The following SLC6A3 variants were observed in gnomAD, a reference collection of about 807,000 sequenced individuals.
SLC6A3 encodes the protein solute carrier family 6 member 3, also known as sodium-dependent dopamine transporter.
Under a neutral mutation model 70.4 loss-of-function variants are expected in SLC6A3, and 19 were observed. The ratio of observed to expected loss-of-function variants is 0.27; its 90% CI spans 0.19 to 0.40. The LOEUF (loss-of-function observed/expected upper bound fraction) is 0.40, where lower values mean the gene tolerates loss of function less well. SLC6A3 is among the 10% of genes least tolerant of loss of function. The pLI is 1.00. For synonymous variants in SLC6A3, 368 were observed against 356.6 expected (o/e 1.03, Z -0.36); for missense variants, 613 against 838.5 (o/e 0.73, Z 3.32).
At chr5:1,412,498 G>A (rs543140204) in intron 8 of SLC6A3, among the ~76,000 whole-genome samples, 109 of 152,350 alleles carry the variant, frequency 7.2e-4, no homozygotes, top group African/African-American at 2.4e-3. Flanking sequence ...CTCGGGAAAC[G>A]ACACGTGCTT....
chr5:1,408,866 G>A lies in SLC6A3; in HGVS notation c.1498+160C>T, dbSNP rs1444239556. Among the ~76,000 whole-genome samples the A allele has an allele frequency of 2.0e-5, 3 of 152,238 alleles. No homozygotes were observed. The highest frequency in any genetic ancestry group is 2.9e-5 in the Non-Finnish European group (2 of 68,058). On this transcript the variant is annotated intron_variant, in intron 11 of 14. Coordinates refer to ENST00000270349, the MANE Select transcript of SLC6A3 (RefSeq NM_001044.5). The surrounding 1 kb of genome is among the most constrained non-coding windows in gnomAD (Gnocchi z 6.4). Reference sequence around the variant, plus strand: ...TAAGCACCTCACTGATCCCATCAAAGGGACCAGTGCCAAGCCTCTCCCCTC... The same window carrying A: ...TAAGCACCTCACTGATCCCATCAAAAGGACCAGTGCCAAGCCTCTCCCCTC...
At position 1,406,930 on chromosome 5, in the gene SLC6A3, G is replaced by A. The variant is rs148353110; in HGVS notation, c.1499-642C>T. 1.4e-3 allele frequency among the ~76,000 whole-genome samples: 209 copies of A among 152,298 alleles called. 4 individuals carry two copies. Among genetic ancestry groups the A allele is most frequent in the African/African-American group, 4.9e-3 (203 of 41,564 alleles). The stretch of plus-strand genomic sequence containing the variant: ...CTGCAACTGGTTTACTCCCTGTAGA[G>A]TGTCCCTGAGGCCACCTAAGCTGCG... On this transcript the variant is annotated intron_variant, in intron 11 of 14. Coordinates refer to ENST00000270349, the MANE Select transcript of SLC6A3 (RefSeq NM_001044.5). The surrounding 1 kb of genome is among the most constrained non-coding windows in gnomAD (Gnocchi z 8.8).
chr5:1,406,118 C>T lies in SLC6A3; in HGVS notation c.1599+70G>A. On this transcript the variant is annotated intron_variant, in intron 12 of 14. Coordinates refer to ENST00000270349, the MANE Select transcript of SLC6A3 (RefSeq NM_001044.5). The surrounding 1 kb of genome is among the most constrained non-coding windows in gnomAD (Gnocchi z 8.8). Reference sequence around the variant, plus strand: ...TGACAACCCACATGCGGGCGCTGGACCTCGGGGCAGGTGCCAGAGTGGGGG... The same window carrying T: ...TGACAACCCACATGCGGGCGCTGGATCTCGGGGCAGGTGCCAGAGTGGGGG... The T allele has an allele frequency of 2.6e-6, 3 of 1,163,766 alleles. No homozygotes were observed. Among genetic ancestry groups the T allele is most frequent in the Non-Finnish European group, 3.9e-6 (3 of 770,302 alleles). 72.1% of individuals were successfully genotyped at this position (1,163,766 alleles called of 1,614,324 possible). A position where few individuals can be genotyped will look rare whatever the true frequency, so the allele number is the denominator to read the frequency against.
chr5:1,440,769 G>A (rs1733632797), intron 3 of SLC6A3, among the ~76,000 whole-genome samples: 2 of 152,212 alleles, frequency 1.3e-5, no homozygotes, highest in Admixed American at 1.3e-4. Flanking sequence ...AGAGAGGCTA[G>A]AACAGATGCT....
chr5:1,416,313 C>T, intron 6 of SLC6A3, 112 bp from the exon 7 acceptor site: 1 of 758,800 alleles, frequency 1.3e-6, no homozygotes, highest in Non-Finnish European at 2.3e-6. Context: ...AAACTCAACA[C>T]CATCCTCAAG....
chr5:1,426,779 C>T (rs1037762407), intron 4 of SLC6A3, among the ~76,000 whole-genome samples: 1 of 152,164 alleles, frequency 6.6e-6, no homozygotes, highest in Non-Finnish European at 1.5e-5. Flanking sequence ...CTGCCAGGGG[C>T]TGCAGTGAGG....
chr5:1,431,080 T>C (rs896577264), intron 4 of SLC6A3, among the ~76,000 whole-genome samples: 4 of 151,528 alleles, frequency 2.6e-5, no homozygotes, highest in African/African-American at 7.3e-5. Flanking sequence ...TCTCCTCCTC[T>C]CCAAAATGAC....
At position 1,411,858 on chromosome 5, in the gene SLC6A3, ACACACATACCATGCAACATACACACTCAG is replaced by A; in HGVS notation, c.1157-532_1157-504del. On this transcript the variant is annotated intron_variant, in intron 8 of 14. Coordinates refer to ENST00000270349, the MANE Select transcript of SLC6A3 (RefSeq NM_001044.5). The surrounding 1 kb of genome is among the most constrained non-coding windows in gnomAD (Gnocchi z 6.5). Reference sequence around the variant, plus strand: ...CATACCATGCAACATACACACTCAGACACACATACCATGCAACATACACACTCAGACACACATACCATGCAATATACACA... The same window carrying A: ...CATACCATGCAACATACACACTCAGAACACACATACCATGCAATATACACA... Among the ~76,000 whole-genome samples the A allele has an allele frequency of 4.6e-5, 7 of 151,512 alleles. No individual in the cohort carries two copies. The highest frequency in any genetic ancestry group is 1.5e-4 in the African/African-American group (6 of 41,034).
rs551678863 is a variant in SLC6A3 at position 1,395,231 on chromosome 5, C to T, written c.1840-473G>A. Among the ~76,000 whole-genome samples the T allele has an allele frequency of 1.1e-3, 175 of 152,320 alleles. 1 individual carries two copies. The highest frequency in any genetic ancestry group is 4.6e-3 in the South Asian group (22 of 4,830). On this transcript the variant is annotated intron_variant, in intron 14 of 14. Coordinates refer to ENST00000270349, the MANE Select transcript of SLC6A3 (RefSeq NM_001044.5). ...CTCTGCAGCTCCATCTTGCTCTCTG[C>T]GACCCGCGCGGGCGCAAGTGCAGCG...
At chr5:1,414,589 G>C (rs1308130287) in intron 8 of SLC6A3, 102 bp downstream of exon 8, 16 of 1,369,122 alleles carry the variant, frequency 1.2e-5, no homozygotes, top group Admixed American at 2.0e-5. Flanking sequence ...AGTCGCTCAG[G>C]GCCCATGCGT....
In SLC6A3 at chr5:1,414,956, C is replaced by A; in HGVS notation, c.1032-141G>T. On this transcript the variant is annotated intron_variant, in intron 7 of 14. Coordinates refer to ENST00000270349, the MANE Select transcript of SLC6A3 (RefSeq NM_001044.5). Reference sequence around the variant, plus strand: ...GGCTACTTTTCCCAGTGAGCACGGCCAGCTCCTTAGCAGCCTGGCAGAGCT... The same window carrying A: ...GGCTACTTTTCCCAGTGAGCACGGCAAGCTCCTTAGCAGCCTGGCAGAGCT... 2.8e-6 allele frequency: 3 copies of A among 1,064,264 alleles called. No homozygotes were observed. In the South Asian group the frequency reaches 4.0e-5, roughly 14 times the overall value. The allele number at this position is 1,064,264 out of a possible 1,614,324, so 65.9% of individuals were successfully genotyped here.
At position 1,414,682 on chromosome 5, in the gene SLC6A3, G is replaced by A. The variant is rs921062478; in HGVS notation, c.1156+9C>T. ...CGGAGCAGGCCCAGGTGCAGCAGGA[G>A]GGGCTCACCGTCCTTGGCCACGTCC... On this transcript the variant is annotated intron_variant, in intron 8 of 14. Transcript: ENST00000270349. 6.8e-6 allele frequency: 11 copies of A among 1,612,096 alleles called. No individual in the cohort carries two copies. Among genetic ancestry groups the A allele is most frequent in the South Asian group, 1.1e-5 (1 of 91,072 alleles).
At chr5:1,400,767 C>T (rs1372227141) in intron 14 of SLC6A3, 148 bp downstream of exon 14, 2 of 708,722 alleles carry the variant, frequency 2.8e-6, no homozygotes, top group African/African-American at 1.8e-5. Context: ...CCTGCCACCA[C>T]TGGCTGCCTG....
Position 1,441,609 on chromosome 5 carries a change from C to T in SLC6A3, c.287-119G>A, listed in dbSNP as rs576985228. The T allele has an allele frequency of 1.8e-3, 2,120 of 1,186,434 alleles. 8 individuals carry two copies. The highest frequency in any genetic ancestry group is 1.8e-3 in the Non-Finnish European group (1,571 of 852,970). 73.5% of individuals were successfully genotyped at this position (1,186,434 alleles called of 1,614,324 possible). On this transcript the variant is annotated intron_variant, in intron 2 of 14. Coordinates refer to ENST00000270349, the MANE Select transcript of SLC6A3 (RefSeq NM_001044.5). ...GTCCTGGCCCGACCGTTTCACCCCA[C>T]TCTCCAACGGGAAGTCCCAGGCTAG...
Position 1,442,258 on chromosome 5 carries a change from A to C in SLC6A3, c.286+654T>G, listed in dbSNP as rs1431884044. On this transcript the variant is annotated intron_variant, in intron 2 of 14. Coordinates refer to ENST00000270349, the MANE Select transcript of SLC6A3 (RefSeq NM_001044.5). This position sits in a 1 kb window ranked among gnomAD's most constrained non-coding sequence, Gnocchi z 5.0. Reference sequence around the variant, plus strand: ...TCTTCAAGATGGGCATAAAAATGCCAGCCTCCTCGCAGGCATCCTGTGAGG... The same window carrying C: ...TCTTCAAGATGGGCATAAAAATGCCCGCCTCCTCGCAGGCATCCTGTGAGG... 6.6e-6 allele frequency among the ~76,000 whole-genome samples: 1 copy of C among 152,156 alleles called. No individual in the cohort carries two copies. The highest frequency in any genetic ancestry group is 1.5e-5 in the Non-Finnish European group (1 of 68,014).
intron 7 of SLC6A3, 49 bp downstream of exon 7, chr5:1,416,049 C>G: frequency 2.2e-6 from 3 of 1,383,488 alleles, no homozygotes; most frequent in African/African-American, 2.8e-5. Flanking sequence ...AGTCAGCGAC[C>G]TCTCCCTAGT....
At chr5:1,395,688 A>T (rs1048633301) in intron 14 of SLC6A3, among the ~76,000 whole-genome samples, 1 of 152,202 alleles carries the variant, frequency 6.6e-6, no homozygotes, top group East Asian at 1.9e-4. Context: ...CAGGACCCAC[A>T]GCCACGGGTG....
At position 1,394,544 on chromosome 5, in the gene SLC6A3, C is replaced by T. The variant is rs1024813385; in HGVS notation, c.*191G>A. 3.6e-5 allele frequency: 25 copies of T among 696,310 alleles called. No individual in the cohort carries two copies. The highest frequency in any genetic ancestry group is 1.0e-4 in the East Asian group (4 of 38,408). The allele number at this position is 696,310 out of a possible 1,614,324, so 43.1% of individuals were successfully genotyped here. A position where few individuals can be genotyped will look rare whatever the true frequency, so the allele number is the denominator to read the frequency against. On this transcript the variant is annotated 3_prime_UTR_variant, in exon 15 of 15. Transcript: ENST00000270349. The surrounding 1 kb of genome is among the most constrained non-coding windows in gnomAD (Gnocchi z 4.7). Reference sequence around the variant, plus strand: ...GTTATTACAGCAACACAAGACACGGCGAGGTGCGCTCCCGGCACGGAAAGG... The same window carrying T: ...GTTATTACAGCAACACAAGACACGGTGAGGTGCGCTCCCGGCACGGAAAGG...
rs1174798664 is a variant in SLC6A3, at chr5:1,397,562, C to A, written c.1840-2804G>T. Among the ~76,000 whole-genome samples, 1 of 152,226 alleles carries A rather than the reference C, an allele frequency of 6.6e-6. No individual in the cohort carries two copies. The highest frequency in any genetic ancestry group is 1.5e-5 in the Non-Finnish European group (1 of 68,050). ...GGTGAGGACAGAGCCCACCACAGAG[C>A]AGGCTCACAGGCCACACATCTCAGC... On this transcript the variant is annotated intron_variant, in intron 14 of 14. Transcript: ENST00000270349. This position sits in a 1 kb window ranked among gnomAD's most constrained non-coding sequence, Gnocchi z 4.7.
Sources: allele counts gnomAD v4.1 joint callset (sites outside exome capture counted in the v4.1 genomes callset), GRCh38; gene constraint gnomAD v4.1.1; non-coding constraint Gnocchi (gnomAD v3.1); transcripts MANE v1.5; gene names NCBI Gene and HGNC (gene_info 2026-07-23, HGNC 2026-07-21).